CACNA1H: variants seen among roughly 807,000 people sequenced by gnomAD.
CACNA1H encodes the protein voltage-dependent T-type calcium channel subunit alpha-1H.
A neutral mutation model predicts 192.5 loss-of-function variants in CACNA1H; 149 were observed. The observed-to-expected ratio is 0.77, with a 90% CI of 0.68 to 0.89. The LOEUF is 0.89. Ranked by LOEUF, CACNA1H falls within the 40% of genes least tolerant of loss-of-function variation. The probability of loss-of-function intolerance (pLI) is 0.00; values close to 1 mark genes in which losing one functional copy is unlikely to be tolerated. For synonymous variants in CACNA1H, 2,202 were observed against 1,475.2 expected (o/e 1.49, Z -11.29); for missense variants, 4,257 against 3,423.5 (o/e 1.24, Z -6.08).
At chr16:1,170,731 C>T (rs931137867) in intron 2 of CACNA1H, among the ~76,000 whole-genome samples, 2 of 151,962 alleles carry the variant, frequency 1.3e-5, no homozygotes, top group African/African-American at 4.8e-5. Flanking sequence ...CTGGGTTGGG[C>T]CCCCCCACCG....
At chr16:1,187,769 C>T (rs1043168954) in intron 2 of CACNA1H, among the ~76,000 whole-genome samples, 3 of 152,206 alleles carry the variant, frequency 2.0e-5, no homozygotes, top group Non-Finnish European at 4.4e-5. Flanking sequence ...GCTGGGCTAG[C>T]GCTGCTACAG....
At chr16:1,160,667 G>C (rs1213367392) in intron 2 of CACNA1H, among the ~76,000 whole-genome samples, 1 of 152,230 alleles carries the variant, frequency 6.6e-6, no homozygotes, top group African/African-American at 2.4e-5. Context: ...GGGCTGACGG[G>C]AGAAGCGGGC....
intron 2 of CACNA1H, among the ~76,000 whole-genome samples, chr16:1,162,640 G>A (rs868016944): frequency 3.2e-5 from 2 of 62,816 alleles, no homozygotes; most frequent in African/African-American, 7.2e-5. Context: ...CACCTGGAGT[G>A]GGGGGGGGGG....
Position 1,201,959 on chromosome 16 carries a change from C to T in CACNA1H, c.1509C>T (p.Arg503=), listed in dbSNP as rs1455237130. The part of the protein sequence containing the change: ...SAVQGQGPGH[R]QRRAGRHTAS... ...TGCAAGGCCAGGGTCCCGGGCACCGCCAGCGCCGGGCAGGCAGGCACACAG... is the reference window on the plus strand; with the variant it reads ...TGCAAGGCCAGGGTCCCGGGCACCGTCAGCGCCGGGCAGGCAGGCACACAG... The change falls in exon 9 of 35, where the codon CGC becomes CGT. Residue 503 remains arginine (R), a synonymous_variant. Coordinates refer to ENST00000348261, the MANE Select transcript of CACNA1H (RefSeq NM_021098.3). The T allele has an allele frequency of 9.1e-6, 14 of 1,545,616 alleles. No individual in the cohort carries two copies. The highest frequency in any genetic ancestry group is 1.0e-5 in the Non-Finnish European group (12 of 1,144,774).
chr16:1,170,300 G>C (rs1964235875), intron 2 of CACNA1H, among the ~76,000 whole-genome samples: 1 of 152,238 alleles, frequency 6.6e-6, no homozygotes, highest in Admixed American at 6.5e-5. Flanking sequence ...CTTTCCCTGG[G>C]TTGGGGAGCT....
chr16:1,153,970 C>A lies in CACNA1H; in HGVS notation c.233C>A (p.Thr78Lys), dbSNP rs1473122688. The A allele has an allele frequency of 6.9e-7, 1 of 1,447,932 alleles. No homozygotes were observed. Among genetic ancestry groups the A allele is most frequent in the Non-Finnish European group, 9.1e-7 (1 of 1,100,096 alleles). The allele number at this position is 1,447,932 out of a possible 1,614,324, so 89.7% of individuals were successfully genotyped here. ...GTCCCGTACCCGGCCTTGGCGGCCA[C>A]GGTCTTCTTCTGCCTCGGTCAGACC... is the stretch of plus-strand genomic sequence containing the variant. ...QRVPYPALAATVFFCLGQTTR... is the reference protein window; with the variant it reads ...QRVPYPALAAKVFFCLGQTTR... Residue 78 changes from threonine to lysine, a missense_variant, in exon 2 of 35, where the codon ACG becomes AAG. Thr to Lys is a moderately conservative substitution (Grantham distance 78, BLOSUM62 -1). Coordinates refer to ENST00000348261, the MANE Select transcript of CACNA1H (RefSeq NM_021098.3).
chr16:1,174,642 C>T (rs576407982), intron 2 of CACNA1H, among the ~76,000 whole-genome samples: 1 of 152,138 alleles, frequency 6.6e-6, no homozygotes, highest in Non-Finnish European at 1.5e-5. Context: ...AGCAGAACAG[C>T]GTGTGTCCAG....
intron 27 of CACNA1H, among the ~76,000 whole-genome samples, chr16:1,214,725 G>T (rs1282796642): frequency 2.0e-5 from 3 of 152,132 alleles, no homozygotes; most frequent in Non-Finnish European, 4.4e-5. Flanking sequence ...GTGGCATTCA[G>T]CTGGTCTTGT....
chr16:1,192,147 C>A (rs549787159), intron 2 of CACNA1H, among the ~76,000 whole-genome samples: 29 of 152,354 alleles, frequency 1.9e-4, no homozygotes, highest in African/African-American at 6.5e-4. Flanking sequence ...CCCCATCCCC[C>A]ACTAAACCAG....
intron 3 of CACNA1H, 113 bp from the exon 4 acceptor site, chr16:1,195,319 G>A: frequency 7.1e-7 from 1 of 1,399,600 alleles, no homozygotes; most frequent in Non-Finnish European, 9.7e-7. Context: ...GCGGGGCAGG[G>A]GCGGGGCGAG....
At chr16:1,158,922 C>G (rs760337029) in intron 2 of CACNA1H, among the ~76,000 whole-genome samples, 5 of 152,180 alleles carry the variant, frequency 3.3e-5, no homozygotes, top group Non-Finnish European at 5.9e-5. Flanking sequence ...AGAGCCCCCC[C>G]GCTCAGCCCG....
At chr16:1,210,286 G>A (rs896328765) in intron 18 of CACNA1H, 84 bp from the exon 19 acceptor site, 21 of 1,316,650 alleles carry the variant, frequency 1.6e-5, no homozygotes, top group South Asian at 5.1e-5. Context: ...AAGTGGAGGC[G>A]TGGCCAGGGC....
In CACNA1H at chr16:1,209,021, C is replaced by A; in HGVS notation, c.3364-11C>A. The A allele has an allele frequency of 6.7e-7, 1 of 1,486,656 alleles. No individual in the cohort carries two copies. Among genetic ancestry groups the A allele is most frequent in the Non-Finnish European group, 8.9e-7 (1 of 1,126,776 alleles). 92.1% of individuals were successfully genotyped at this position (1,486,656 alleles called of 1,614,324 possible). A position where few individuals can be genotyped will look rare whatever the true frequency, so the allele number is the denominator to read the frequency against. On this transcript the variant is annotated splice_polypyrimidine_tract_variant and intron_variant, in intron 16 of 34. Transcript: ENST00000348261. ...GATGCCACCAGGTCACTGACTCCCG[C>A]CACCCCCCAGGCCAGCCTCCGAAGT...
Position 1,208,031 on chromosome 16 carries a change from T to G in CACNA1H, c.3173T>G (p.Leu1058Arg). 6.2e-7 allele frequency: 1 copy of G among 1,606,326 alleles called. No individual in the cohort carries two copies. Among genetic ancestry groups the G allele is most frequent in the Non-Finnish European group, 8.5e-7 (1 of 1,177,332 alleles). Residue 1058 changes from leucine to arginine, a missense_variant, in exon 16 of 35, where the codon CTG becomes CGG. Physicochemically the swap from Leu to Arg is moderately radical, Grantham distance 102. Coordinates refer to ENST00000348261, the MANE Select transcript of CACNA1H (RefSeq NM_021098.3). ...CCCGCAGAGCTGAAGATGTGTTCCCTGGCCGTGACCCCCAACGGGCACCTG... is the reference window on the plus strand; with the variant it reads ...CCCGCAGAGCTGAAGATGTGTTCCCGGGCCGTGACCCCCAACGGGCACCTG... Reference protein sequence around the residue: ...LQTTELKMCSLAVTPNGHLEG... With the variant: ...LQTTELKMCSRAVTPNGHLEG...
Position 1,213,948 on chromosome 16 carries a change from C to A in CACNA1H, c.4929+17C>A, listed in dbSNP as rs756761012. Reference sequence around the variant, plus strand: ...CAACCCAAGGTGGGTGCGAGGGGGCCGCGAGGGGCCCAGGGGCTGGGGCAC... The same window carrying A: ...CAACCCAAGGTGGGTGCGAGGGGGCAGCGAGGGGCCCAGGGGCTGGGGCAC... On this transcript the variant is annotated intron_variant, in intron 27 of 34. Coordinates refer to ENST00000348261, the MANE Select transcript of CACNA1H (RefSeq NM_021098.3). 7 of 1,602,486 alleles carry A rather than the reference C, an allele frequency of 4.4e-6. No individual in the cohort carries two copies. The highest frequency in any genetic ancestry group is 1.1e-5 in the South Asian group (1 of 89,202).
chr16:1,169,749 TC>T (rs1964176024), intron 2 of CACNA1H, among the ~76,000 whole-genome samples: 1 of 152,206 alleles, frequency 6.6e-6, no homozygotes, highest in African/African-American at 2.4e-5. Flanking sequence ...TGGTGCTTGT[TC>T]CCAGGAACGT....
At position 1,210,964 on chromosome 16, in the gene CACNA1H, C is replaced by T. The variant is rs772611289; in HGVS notation, c.4216C>T (p.Pro1406Ser). Residue 1406 changes from proline (P) to serine (S), a missense_variant, in exon 21 of 35, where the codon CCT becomes TCT. Physicochemically the swap from Pro to Ser is moderately conservative, Grantham distance 74. Coordinates refer to ENST00000348261, the MANE Select transcript of CACNA1H (RefSeq NM_021098.3). ...GCTGCGTCTGCTGCGGACCCTGCGG[C>T]CTCTGAGGTGGGGGGCTCCCCGTGG... Reference protein sequence around the residue: ...RVLRLLRTLRPLRVISRAPGL... With the variant: ...RVLRLLRTLRSLRVISRAPGL... 3 of 1,595,660 alleles carry T rather than the reference C, an allele frequency of 1.9e-6. No homozygotes were observed. Among genetic ancestry groups the T allele is most frequent in the Non-Finnish European group, 2.5e-6 (3 of 1,176,662 alleles).
Position 1,211,542 on chromosome 16 carries a change from C to A in CACNA1H, c.4412C>A (p.Ala1471Glu), listed in dbSNP as rs1309816538. The change falls in exon 23 of 35, where the codon GCA becomes GAA. Residue 1471 changes from alanine (A) to glutamate (E), a missense_variant. By Grantham distance (107) the Ala-to-Glu change is moderately radical. Transcript: ENST00000348261. ...GPDTRNISTK[A>E]QCRAAHYRWV... ...GACACCAGGAACATCTCCACCAAGG[C>A]ACAGTGCCGGGCCGCCCACTACCGC... 6.2e-7 allele frequency: 1 copy of A among 1,612,372 alleles called. No homozygotes were observed. The highest frequency in any genetic ancestry group is 2.2e-5 in the East Asian group (1 of 44,852).
At chr16:1,170,431 A>T (rs949172210) in intron 2 of CACNA1H, among the ~76,000 whole-genome samples, 1 of 152,162 alleles carries the variant, frequency 6.6e-6, no homozygotes, top group Non-Finnish European at 1.5e-5. Context: ...CCCGTAAAAG[A>T]GACTGGGAGA....
Sources: allele counts gnomAD v4.1 joint callset (sites outside exome capture counted in the v4.1 genomes callset), GRCh38; gene constraint gnomAD v4.1.1; transcripts MANE v1.5; gene names NCBI Gene and HGNC (gene_info 2026-07-23, HGNC 2026-07-21).